CCDC144A: variants seen among roughly 807,000 people sequenced by gnomAD.
CCDC144A encodes coiled-coil domain-containing protein 144A.
CCDC144A carries 41 observed loss-of-function variants against 143.8 expected under a neutral mutation model. That is an observed-to-expected ratio of 0.29 (90% confidence interval 0.22 to 0.37). CCDC144A has a LOEUF of 0.37. CCDC144A is among the 10% of genes least tolerant of loss of function. The probability of loss-of-function intolerance (pLI) is 1.00; values close to 1 mark genes in which losing one functional copy is unlikely to be tolerated. For synonymous variants in CCDC144A, 242 were observed against 517.9 expected (o/e 0.47, Z 7.23); for missense variants, 637 against 1,488.8 (o/e 0.43, Z 9.41).
At chr17:16,716,641 C>T (rs3894095) in intron 6 of CCDC144A, among the ~76,000 whole-genome samples, 8,285 of 151,944 alleles carry the variant, frequency 0.055, 489 homozygotes, top group African/African-American at 0.14. Flanking sequence ...TTTTTTTCTT[C>T]CCGAGACATT....
In CCDC144A at chr17:16,690,334, T is replaced by C; in HGVS notation, c.-67T>C. 1 of 1,300,224 alleles carries C rather than the reference T, an allele frequency of 7.7e-7. No individual in the cohort carries two copies. Among genetic ancestry groups the C allele is most frequent in the Non-Finnish European group, 1.0e-6 (1 of 963,604 alleles). 80.5% of individuals were successfully genotyped at this position (1,300,224 alleles called of 1,614,324 possible). A position where few individuals can be genotyped will look rare whatever the true frequency, so the allele number is the denominator to read the frequency against. ...GGCATTTCTGGCTTGGCGGTCCTCC[T>C]TTCGCAGATTGGAAACCGCGGGCTA... On this transcript the variant is annotated 5_prime_UTR_variant, in exon 1 of 17. Transcript: ENST00000399273.
At chr17:16,723,749 A>T (rs1384093741) in intron 8 of CCDC144A, among the ~76,000 whole-genome samples, 1 of 152,112 alleles carries the variant, frequency 6.6e-6, no homozygotes, top group African/African-American at 2.4e-5. Flanking sequence ...TGAGCTAATT[A>T]CCTCCACAAA....
At chr17:16,683,516 C>A in the CCDC144A span, 1 of 1,523,472 alleles carries the variant, frequency 6.6e-7, no homozygotes, top group Non-Finnish European at 9.1e-7. Context: ...TCGGGATGTT[C>A]TATGCCGTGA....
At chr17:16,718,878 C>T (rs1188554996) in intron 6 of CCDC144A, among the ~76,000 whole-genome samples, 1 of 124,256 alleles carries the variant, frequency 8.0e-6, no homozygotes, top group Non-Finnish European at 1.6e-5. Context: ...TTCACCCAGG[C>T]TAGAGTGCAG....
intron 11 of CCDC144A, 94 bp downstream of exon 11, chr17:16,732,760 GA>G: frequency 1.2e-6 from 1 of 823,292 alleles, no homozygotes; most frequent in Non-Finnish European, 1.8e-6. Flanking sequence ...ATGGATTTTT[GA>G]ACTACACACA....
chr17:16,749,855 C>T (rs2143312040), intron 12 of CCDC144A, among the ~76,000 whole-genome samples: 2 of 152,274 alleles, frequency 1.3e-5, no homozygotes, highest in South Asian at 4.2e-4. Flanking sequence ...CCTTCTTCAT[C>T]CTTTTTTGGC....
At chr17:16,676,506 G>A in the CCDC144A span, among the ~76,000 whole-genome samples, 3 of 142,606 alleles carry the variant, frequency 2.1e-5, no homozygotes, top group African/African-American at 5.4e-5. Flanking sequence ...GCGGGACTCC[G>A]TCTCCAAAAA....
At chr17:16,766,215 T>C (rs1016023559) in intron 15 of CCDC144A, 2 of 152,360 alleles carry the variant, frequency 1.3e-5, no homozygotes, top group African/African-American at 2.4e-5. Context: ...AGTTGCACTC[T>C]TTTGAGTTTC....
At chr17:16,755,043 A>G (rs1915011903) in intron 12 of CCDC144A, among the ~76,000 whole-genome samples, 1 of 152,214 alleles carries the variant, frequency 6.6e-6, no homozygotes, top group Non-Finnish European at 1.5e-5. Flanking sequence ...GTCTGATATA[A>G]ATATAGCTAC....
intron 9 of CCDC144A, chr17:16,731,285 A>C (rs902407251): frequency 6.3e-6 from 1 of 158,768 alleles, no homozygotes; most frequent in African/African-American, 2.4e-5. Flanking sequence ...GATTATAGTA[A>C]TCTGCAGATA....
At chr17:16,715,310 TA>T (rs368911895) in intron 6 of CCDC144A, among the ~76,000 whole-genome samples, 1,336 of 128,820 alleles carry the variant, frequency 0.01, 11 homozygotes, top group African/African-American at 0.022. Context: ...GATTCTCAGG[TA>T]AAAAAAAAAA....
chr17:16,755,984 AAT>A (rs1915065848), intron 12 of CCDC144A, among the ~76,000 whole-genome samples: 1 of 152,198 alleles, frequency 6.6e-6, no homozygotes, highest in South Asian at 2.1e-4. Flanking sequence ...TCTGCTGACA[AAT>A]ATGCTATTTG....
chr17:16,695,072 AAGTT>A (rs1911320215), intron 2 of CCDC144A, among the ~76,000 whole-genome samples: 1 of 152,260 alleles, frequency 6.6e-6, no homozygotes, highest in African/African-American at 2.4e-5. Context: ...GAACTTCTCT[AAGTT>A]AGGTTTTGCA....
At position 16,709,177 on chromosome 17, in the gene CCDC144A, C is replaced by T; in HGVS notation, c.1120C>T (p.His374Tyr). The change falls in exon 5 of 17, where the codon CAT becomes TAT. Residue 374 changes from histidine (H) to tyrosine (Y), a missense_variant. His to Tyr is a moderately conservative substitution (Grantham distance 83). Coordinates refer to ENST00000399273, the MANE Select transcript of CCDC144A (RefSeq NM_001382000.1). ...AGAACCCAGTCTCAAAAATATCATC[C>T]ATCCATACTATCATCCATACTCTGG... Reference protein sequence around the residue: ...QKEPSLKNIIHPYYHPYSGSQ... With the variant: ...QKEPSLKNIIYPYYHPYSGSQ... 6.2e-7 allele frequency: 1 copy of T among 1,611,684 alleles called. No individual in the cohort carries two copies. Among genetic ancestry groups the T allele is most frequent in the Non-Finnish European group, 8.5e-7 (1 of 1,179,658 alleles).
intron 14 of CCDC144A, 51 bp from the exon 15 acceptor site, chr17:16,763,914 C>T (rs958739862): frequency 6.4e-7 from 1 of 1,556,198 alleles, no homozygotes; most frequent in Non-Finnish European, 8.6e-7. Flanking sequence ...ATTTAGGAAT[C>T]ATTTAGGAAA....
upstream of CCDC144A, among the ~76,000 whole-genome samples, chr17:16,686,790 A>G (rs568578700): frequency 1.3e-5 from 2 of 151,358 alleles, no homozygotes; most frequent in Admixed American, 1.3e-4. Flanking sequence ...ACACACAAAG[A>G]AAAGAAATAC....
At chr17:16,675,760 T>C in the CCDC144A span, among the ~76,000 whole-genome samples, 1 of 152,186 alleles carries the variant, frequency 6.6e-6, no homozygotes, top group Admixed American at 6.5e-5. Context: ...TATTATTTTT[T>C]GAGACGGAAT....
At chr17:16,715,691 T>C (rs1036971136) in intron 6 of CCDC144A, among the ~76,000 whole-genome samples, 3 of 152,206 alleles carry the variant, frequency 2.0e-5, no homozygotes, top group Non-Finnish European at 4.4e-5. Context: ...AAGAGAGCTA[T>C]GCTCATCAGG....
In CCDC144A at chr17:16,745,576, T is replaced by G. The variant is rs558981208; in HGVS notation, c.3372+9933T>G. 6.9e-5 allele frequency: 103 copies of G among 1,502,918 alleles called. No individual in the cohort carries two copies. In the African/African-American group the frequency reaches 1.3e-3, roughly 19 times the overall value. The allele number at this position is 1,502,918 out of a possible 1,614,324, so 93.1% of individuals were successfully genotyped here. ...CTTCCCAGTCACACTCGGGGTCATTTACACGTTTCTGGGATGCCCTCGCTC... is the reference window on the plus strand; with the variant it reads ...CTTCCCAGTCACACTCGGGGTCATTGACACGTTTCTGGGATGCCCTCGCTC... On this transcript the variant is annotated intron_variant, in intron 12 of 16. Coordinates refer to ENST00000399273, the MANE Select transcript of CCDC144A (RefSeq NM_001382000.1).
Sources: gnomAD v4.1 joint callset for allele counts (sites outside exome capture counted in the v4.1 genomes callset) on GRCh38, gnomAD v4.1.1 for gene constraint, MANE v1.5 for transcripts, NCBI Gene and HGNC (gene_info 2026-07-23, HGNC 2026-07-21) for gene names.